Variants in SNURF observed in about 807,000 individuals in gnomAD.
SNURF encodes the protein SNURF protein.
Under a neutral mutation model 11.6 loss-of-function variants are expected in SNURF, and 6 were observed. The ratio of observed to expected loss-of-function variants is 0.52; its 90% confidence interval spans 0.28 to 1.02. The LOEUF is 1.02. Among genes scored for constraint, SNURF ranks in the 50% least tolerant of loss-of-function variants. The pLI, the probability that SNURF is intolerant of heterozygous loss-of-function variation, is 0.09. For missense variants in SNURF, 84 were observed against 88.4 expected, an observed-to-expected ratio of 0.95 and a Z score of 0.20; for synonymous variants, 29 against 31.6, an observed-to-expected ratio of 0.92 and a Z score of 0.27.
exon 6 of SNURF, chr15:24,977,003 C>T (rs1159179672): frequency 2.5e-6 from 4 of 1,591,664 alleles, no homozygotes; most frequent in South Asian, 1.1e-5. Context: ...AGGCCCTGTC[C>T]GAGGAGTTGG....
chr15:24,975,748 C>A lies in SNURF; in HGVS notation c.*197+239C>A, dbSNP rs544884355. Among the ~76,000 whole-genome samples, 7 of 152,182 alleles carry A rather than the reference C, an allele frequency of 4.6e-5. No individual in the cohort carries two copies. The East Asian group carries it at 1.4e-3, about 29-fold the overall frequency. On this transcript the variant is annotated intron_variant and NMD_transcript_variant, in intron 4 of 6. Coordinates refer to the SNURF transcript ENST00000580062. The stretch of plus-strand genomic sequence containing the variant: ...TGGGAGTAAAAGTATATGCTATGGT[C>A]AGAATACTCGTATTTATTTTTAAAA...
chr15:24,966,928 G>T (rs1432023212), intron 2 of SNURF: 1 of 152,122 alleles, frequency 6.6e-6, no homozygotes, highest in East Asian at 1.9e-4. Flanking sequence ...ATTCATAGGG[G>T]TATGTCGAGG....
chr15:24,975,582 G>A (rs2076964336), intron 4 of SNURF: 1 of 1,278,462 alleles, frequency 7.8e-7, no homozygotes, highest in South Asian at 1.3e-5. Context: ...TGGAGTAAGG[G>A]ATTTCCGAGG....
intron 1 of SNURF, chr15:24,958,787 A>AT (rs1268947346): frequency 1.9e-5 from 3 of 154,262 alleles, no homozygotes; most frequent in Non-Finnish European, 4.4e-5. Context: ...TGATGCAGTT[A>AT]TAGCTCCCTG....
chr15:24,976,795 GGAGA>G, intron 5 of SNURF: 1 of 1,263,818 alleles, frequency 7.9e-7, no homozygotes, highest in Non-Finnish European at 1.1e-6. Context: ...GGAAAATGGT[GGAGA>G]GAAGTGATCT....
At chr15:24,978,693 T>A (rs1296753108), downstream of SNURF, 4 of 540,498 alleles carry the variant, frequency 7.4e-6, no homozygotes, top group African/African-American at 3.8e-5. Context: ...TCTCTTTAAT[T>A]CTTAGGATAA....
chr15:24,962,751 T>C (rs772234254), intron 2 of SNURF, among the ~76,000 whole-genome samples: 10 of 152,204 alleles, frequency 6.6e-5, no homozygotes, highest in Non-Finnish European at 1.5e-4. Flanking sequence ...AAATTTTAAT[T>C]AAAAATAGGT....
exon 3 of SNURF, chr15:24,968,155 A>T: frequency 1.2e-6 from 1 of 867,584 alleles, no homozygotes; most frequent in East Asian, 2.6e-5. Flanking sequence ...TCTCTTAATT[A>T]TCAGTGACAC....
chr15:24,968,007 A>T lies in SNURF; in HGVS notation c.186A>T (p.Ala62=), dbSNP rs200974605. 36 of 1,613,994 alleles carry T rather than the reference A, an allele frequency of 2.2e-5. No homozygotes were observed. In the Admixed American group the frequency reaches 5.8e-4, roughly 26 times the overall value. ...ATTTCCAGGCTGAACTGAGGCAGGCATTCTTAGCTGAGACACCAAGAGGTG... is the reference window on the plus strand; with the variant it reads ...ATTTCCAGGCTGAACTGAGGCAGGCTTTCTTAGCTGAGACACCAAGAGGTG... The change falls in exon 3 of 3, where the codon GCA becomes GCT. Residue 62 remains alanine, a synonymous_variant. Transcript: ENST00000577949.
intron 1 of SNURF, among the ~76,000 whole-genome samples, chr15:24,956,166 G>C (rs1039307246): frequency 2.6e-4 from 39 of 152,146 alleles, no homozygotes; most frequent in Non-Finnish European, 5.1e-4. Context: ...TGCATTTACA[G>C]ATCTTTTGAC....
At chr15:24,974,733 C>T in intron 3 of SNURF, 1 of 606,986 alleles carries the variant, frequency 1.6e-6, no homozygotes, top group Non-Finnish European at 2.9e-6. Flanking sequence ...GTGCCTCAGC[C>T]TCTTTATTAG....
At chr15:24,974,902 T>A in intron 3 of SNURF, 2 of 702,728 alleles carry the variant, frequency 2.8e-6, no homozygotes, top group South Asian at 3.0e-5. Flanking sequence ...TACAGGAGTT[T>A]TTGGTCATGA....
chr15:24,963,202 C>T (rs183545236), intron 2 of SNURF, among the ~76,000 whole-genome samples: 22 of 152,254 alleles, frequency 1.4e-4, no homozygotes, highest in Admixed American at 8.5e-4. Context: ...CATAAATCTA[C>T]CTTATTTTAC....
intron 2 of SNURF, 125 bp from the exon 3 acceptor site, chr15:24,967,807 G>GGA (rs1293050321): frequency 2.9e-6 from 2 of 697,594 alleles, no homozygotes; most frequent in Non-Finnish European, 4.5e-6. Context: ...GACCCTGTCT[G>GGA]GAAAAAAAAA....
exon 2 of SNURF, chr15:24,962,159 G>A: frequency 6.2e-7 from 1 of 1,614,144 alleles, no homozygotes; most frequent in Non-Finnish European, 8.5e-7. Context: ...ACGTACCAGA[G>A]GTGGAAGTCC....
At position 24,962,112 on chromosome 15, in the gene SNURF, A is replaced by G. The variant is rs1355967824; in HGVS notation, c.15-2A>G. Reference sequence around the variant, plus strand: ...AACAAATGCCTCTCTTTTCTGTTTCAGGGATCGCTTACACCTGAGACGAAC... The same window carrying G: ...AACAAATGCCTCTCTTTTCTGTTTCGGGGATCGCTTACACCTGAGACGAAC... On this transcript the variant is annotated splice_acceptor_variant, in intron 1 of 2. Coordinates refer to ENST00000577949, the Ensembl canonical transcript of SNURF. LOFTEE classifies it high-confidence loss of function. 1 of 1,613,722 alleles carries G rather than the reference A, an allele frequency of 6.2e-7. No homozygotes were observed. The highest frequency in any genetic ancestry group is 1.3e-5 in the African/African-American group (1 of 74,914).
chr15:24,978,529 C>G (rs935890420), downstream of SNURF: 2 of 1,188,112 alleles, frequency 1.7e-6, no homozygotes, highest in Non-Finnish European at 2.5e-6. Context: ...TTTTTGTTCC[C>G]TCATTCTGCA....
chr15:24,975,591 G>T (rs1359034888), intron 4 of SNURF: 2 of 1,191,376 alleles, frequency 1.7e-6, no homozygotes, highest in East Asian at 2.3e-5. Flanking sequence ...GGATTTCCGA[G>T]GGTAACTGAA....
At chr15:24,962,261 T>A in intron 2 of SNURF, 52 bp downstream of exon 2, 3 of 1,446,520 alleles carry the variant, frequency 2.1e-6, no homozygotes, top group Non-Finnish European at 2.9e-6. Context: ...TCCTTTCAGA[T>A]TAGAACAAAA....
Sources: allele counts gnomAD v4.1 joint callset (sites outside exome capture counted in the v4.1 genomes callset), GRCh38; gene constraint gnomAD v4.1.1; transcripts MANE v1.5; gene names NCBI Gene and HGNC (gene_info 2026-07-23, HGNC 2026-07-21).